The following STXBP4 variants were observed in gnomAD, a reference collection of about 807,000 sequenced individuals.
The protein encoded by STXBP4 is syntaxin binding protein 4.
In STXBP4, 55 loss-of-function variants were observed where a neutral mutation model predicts 76.1. The observed-to-expected ratio is 0.72, with a 90% CI of 0.58 to 0.91. The LOEUF (loss-of-function observed/expected upper bound fraction) is 0.91, where lower values mean the gene tolerates loss of function less well. STXBP4 is among the 40% of genes least tolerant of loss of function. STXBP4 has a pLI of 0.00. For missense variants in STXBP4, 618 were observed against 636.9 expected (o/e 0.97, Z 0.32); for synonymous variants, 201 against 220.2 (o/e 0.91, Z 0.77).
the STXBP4 span, among the ~76,000 whole-genome samples, chr17:55,202,722 A>G: frequency 1.3e-5 from 2 of 152,134 alleles, no homozygotes; most frequent in African/African-American, 2.4e-5. Flanking sequence ...TCTGACCAGC[A>G]TCTTATCCCT....
chr17:55,087,545 A>G (rs149760596), intron 16 of STXBP4, among the ~76,000 whole-genome samples: 2 of 152,326 alleles, frequency 1.3e-5, no homozygotes, highest in East Asian at 3.9e-4. Context: ...GTCAAAAATC[A>G]GTTGGCTGTA....
chr17:55,197,417 C>A, the STXBP4 span, among the ~76,000 whole-genome samples: 1 of 152,358 alleles, frequency 6.6e-6, no homozygotes, highest in East Asian at 1.9e-4. Context: ...CACTAGACAA[C>A]GTACAGTGGA....
At chr17:55,103,312 G>A (rs1045856917) in intron 16 of STXBP4, among the ~76,000 whole-genome samples, 5 of 152,058 alleles carry the variant, frequency 3.3e-5, no homozygotes, top group Non-Finnish European at 7.4e-5. Flanking sequence ...TTTGTATAAG[G>A]TGTAAGGAAG....
At chr17:55,134,577 G>A (rs2080008266) in intron 16 of STXBP4, among the ~76,000 whole-genome samples, 1 of 151,946 alleles carries the variant, frequency 6.6e-6, no homozygotes, top group Non-Finnish European at 1.5e-5. Flanking sequence ...TAAGAAGTTG[G>A]GCTGAGGAGA....
rs530460567 is a variant in STXBP4, at chr17:55,034,151, A to G, written c.764-17A>G. The G allele has an allele frequency of 2.1e-5, 33 of 1,603,096 alleles. 1 individual carries two copies. In the South Asian group the frequency reaches 3.4e-4, roughly 17 times the overall value. ...GGGTTAAATGCCATGTTCTTACTTAAATGTGTTCCATTTTAGATTTTGTCC... is the reference window on the plus strand; with the variant it reads ...GGGTTAAATGCCATGTTCTTACTTAGATGTGTTCCATTTTAGATTTTGTCC... On this transcript the variant is annotated splice_polypyrimidine_tract_variant and intron_variant, in intron 9 of 17. Transcript: ENST00000376352.
rs77319922 is a variant in STXBP4, at chr17:55,052,698, A to G, written c.1011+5544A>G. Among the ~76,000 whole-genome samples the G allele has an allele frequency of 4.6e-3, 695 of 152,164 alleles. 6 individuals are homozygous for G. Among genetic ancestry groups the G allele is most frequent in the African/African-American group, 0.016 (659 of 41,500 alleles). ...GGAGAAATCAGAAAACACCTTGACT[A>G]AATGTTGCTAAATGTGCTAAATGTT... On this transcript the variant is annotated intron_variant, in intron 12 of 17. Coordinates refer to ENST00000376352, the MANE Select transcript of STXBP4 (RefSeq NM_178509.6).
the STXBP4 span, among the ~76,000 whole-genome samples, chr17:55,193,284 C>G: frequency 6.6e-6 from 1 of 152,052 alleles, no homozygotes; most frequent in African/African-American, 2.4e-5. Context: ...GCTGAGACAA[C>G]CACGTTAGAT....
chr17:55,117,643 C>T (rs2079797209), intron 16 of STXBP4, among the ~76,000 whole-genome samples: 1 of 150,398 alleles, frequency 6.6e-6, no homozygotes, highest in African/African-American at 2.4e-5. Flanking sequence ...AATAACTGAA[C>T]ATCTGCTTTA....
intron 16 of STXBP4, among the ~76,000 whole-genome samples, chr17:55,107,825 C>G (rs2079654884): frequency 6.6e-6 from 1 of 152,216 alleles, no homozygotes; most frequent in Admixed American, 6.5e-5. Flanking sequence ...CAGATGCCAG[C>G]AGGAGCTCTC....
chr17:55,081,161 T>C lies in STXBP4; in HGVS notation c.1467T>C (p.Val489=). The change falls in exon 16 of 18, where the codon GTT becomes GTC. Residue 489 remains valine, a synonymous_variant. Transcript: ENST00000376352. ...ALESKELVKS[V]RALLDMDCLP... ...AATCTAAGGAACTTGTTAAATCTGTTCGTGCCTTACTTGATATGGATTGTA... is the reference window on the plus strand; with the variant it reads ...AATCTAAGGAACTTGTTAAATCTGTCCGTGCCTTACTTGATATGGATTGTA... The C allele has an allele frequency of 1.3e-6, 2 of 1,513,832 alleles. No homozygotes were observed. The highest frequency in any genetic ancestry group is 1.8e-6 in the Non-Finnish European group (2 of 1,136,688). 93.8% of individuals were successfully genotyped at this position (1,513,832 alleles called of 1,614,324 possible). A position where few individuals can be genotyped will look rare whatever the true frequency, so the allele number is the denominator to read the frequency against.
the STXBP4 span, among the ~76,000 whole-genome samples, chr17:55,202,999 C>T: frequency 6.6e-6 from 1 of 152,232 alleles, no homozygotes; most frequent in South Asian, 2.1e-4. Context: ...TAAACTGGAG[C>T]AATATTTTTC....
chr17:54,999,526 A>C lies in STXBP4; in HGVS notation c.287+75A>C. 2.1e-6 allele frequency: 3 copies of C among 1,456,888 alleles called. No individual in the cohort carries two copies. In the African/African-American group the frequency reaches 4.3e-5, roughly 21 times the overall value. 90.2% of individuals were successfully genotyped at this position (1,456,888 alleles called of 1,614,324 possible). A position where few individuals can be genotyped will look rare whatever the true frequency, so the allele number is the denominator to read the frequency against. On this transcript the variant is annotated intron_variant, in intron 5 of 17. Transcript: ENST00000376352. ...GAAAGCAGTAATTTAAGATGTATTA[A>C]GTACTTTATAATAAGTATTTTTTAA...
rs1420253597 is a variant in STXBP4, at chr17:55,166,228, T to C, written c.*6317T>C. The C allele has an allele frequency of 6.6e-6, 1 of 152,192 alleles. No homozygotes were observed. Among genetic ancestry groups the C allele is most frequent in the Non-Finnish European group, 1.5e-5 (1 of 68,034 alleles). The allele number at this position is 152,192 out of a possible 1,614,324, so 9.4% of individuals were successfully genotyped here. A position where few individuals can be genotyped will look rare whatever the true frequency, so the allele number is the denominator to read the frequency against. ...AAAAAAAGGAATACATCCTAGAACA[T>C]TTCTTAAATATATTCCCTTTTCTCT... On this transcript the variant is annotated 3_prime_UTR_variant, in exon 18 of 18. Transcript: ENST00000376352.
chr17:55,033,110 A>C (rs978181095), intron 9 of STXBP4, among the ~76,000 whole-genome samples: 4 of 152,194 alleles, frequency 2.6e-5, no homozygotes, highest in Non-Finnish European at 5.9e-5. Context: ...GCAGTGACTC[A>C]CACCTGTAAT....
chr17:55,047,113 C>A lies in STXBP4; in HGVS notation c.970C>A (p.Gln324Lys). 1 of 1,604,556 alleles carries A rather than the reference C, an allele frequency of 6.2e-7. No individual in the cohort carries two copies. Among genetic ancestry groups the A allele is most frequent in the Non-Finnish European group, 8.5e-7 (1 of 1,173,980 alleles). The stretch of plus-strand genomic sequence containing the variant: ...GGAAAAATTATTGGAATCAGATAAG[C>A]AAAGGAAACAATTGACAGAAGAGCT... ...LKEKLLESDK[Q>K]RKQLTEELQN... is the part of the protein sequence containing the mutation. The change falls in exon 12 of 18, where the codon CAA becomes AAA. Residue 324 changes from glutamine (Q) to lysine (K), a missense_variant. Physicochemically the swap from Gln to Lys is moderately conservative, Grantham distance 53. Transcript: ENST00000376352.
rs529400969 is a variant in STXBP4 at position 54,993,752 on chromosome 17, C to A, written c.180+2795C>A. Among the ~76,000 whole-genome samples the A allele has an allele frequency of 7.2e-5, 11 of 152,278 alleles. No individual in the cohort carries two copies. In the South Asian group the frequency reaches 1.0e-3, roughly 14 times the overall value. On this transcript the variant is annotated intron_variant, in intron 4 of 17. Coordinates refer to ENST00000376352, the MANE Select transcript of STXBP4 (RefSeq NM_178509.6). ...TTAATGAAGTTGCTGAACTGAGTAA[C>A]TGTTAATATTTTTTAAATGCATATG...
chr17:55,208,609 A>AAG, the STXBP4 span, among the ~76,000 whole-genome samples: 38 of 27,764 alleles, frequency 1.4e-3, no homozygotes, highest in African/African-American at 2.5e-3. Flanking sequence ...AAGGAAGGAA[A>AAG]GAGAGAGGGA....
intron 3 of STXBP4, among the ~76,000 whole-genome samples, chr17:54,988,762 C>T (rs2077664581): frequency 6.6e-6 from 1 of 152,012 alleles, no homozygotes; most frequent in Non-Finnish European, 1.5e-5. Flanking sequence ...CAGAGCAAGA[C>T]CCCGTCTCAA....
intron 12 of STXBP4, among the ~76,000 whole-genome samples, chr17:55,061,757 T>C (rs79011281): frequency 2.0e-3 from 312 of 152,342 alleles, no homozygotes; most frequent in African/African-American, 7.1e-3. Flanking sequence ...GGATTGGTTC[T>C]TTTTACTCAG....
Sources: gnomAD v4.1 joint callset for allele counts (sites outside exome capture counted in the v4.1 genomes callset) on GRCh38, gnomAD v4.1.1 for gene constraint, MANE v1.5 for transcripts, NCBI Gene and HGNC (gene_info 2026-07-23, HGNC 2026-07-21) for gene names.